RBFOX1: variants seen among roughly 807,000 people sequenced by gnomAD.
RBFOX1 encodes RNA binding fox-1 homolog 1, also known as RNA binding protein fox-1 homolog 1.
Under a neutral mutation model 57.7 loss-of-function variants are expected in RBFOX1, and 8 were observed. That is an observed-to-expected ratio of 0.14 (90% CI 0.08 to 0.25). The LOEUF (loss-of-function observed/expected upper bound fraction) is 0.25. RBFOX1 is among the 10% of genes least tolerant of loss of function. RBFOX1 has a pLI of 1.00. For synonymous variants in RBFOX1, 326 were observed against 222.4 expected (o/e 1.47, Z -4.15); for missense variants, 611 against 548.5 (o/e 1.11, Z -1.14).
intron 1 of RBFOX1, among the ~76,000 whole-genome samples, chr16:5,295,631 A>G (rs2063647719): frequency 6.6e-6 from 1 of 152,156 alleles, no homozygotes; most frequent in African/African-American, 2.4e-5. Context: ...GGGCCTCTCC[A>G]TCTGGCCGCT....
intron 2 of RBFOX1, among the ~76,000 whole-genome samples, chr16:6,559,294 C>G (rs1235446108): frequency 2.0e-5 from 3 of 152,046 alleles, no homozygotes; most frequent in Admixed American, 6.6e-5. Flanking sequence ...TTTATTCATT[C>G]TCTCAGTCTA....
In RBFOX1 at chr16:5,978,096, G is replaced by A. The variant is rs528765297; in HGVS notation, c.351+110761G>A. 1.1e-4 allele frequency among the ~76,000 whole-genome samples: 14 copies of A among 125,022 alleles called. No homozygotes were observed. The East Asian group carries it at 3.4e-3, about 30-fold the overall frequency. 82.0% of individuals were successfully genotyped at this position (125,022 alleles called of 152,430 possible). On this transcript the variant is annotated intron_variant, in intron 4 of 19. Transcript: ENST00000641259. ...TTGCAGGGCAGGAGTTTAAGACCAG[G>A]CTGGGCATCCTAGGGAGAATCCTGT...
At chr16:5,586,968 C>A (rs1355356522) in intron 2 of RBFOX1, among the ~76,000 whole-genome samples, 1 of 152,192 alleles carries the variant, frequency 6.6e-6, no homozygotes, top group Non-Finnish European at 1.5e-5. Context: ...GTCATTGAAC[C>A]TTCCTGTGCT....
intron 3 of RBFOX1, among the ~76,000 whole-genome samples, chr16:7,014,388 T>A (rs551394592): frequency 3.9e-5 from 6 of 152,060 alleles, no homozygotes; most frequent in Admixed American, 3.3e-4. Flanking sequence ...TTTTTTTATT[T>A]TTATTTTTTT....
At chr16:6,397,137 A>T (rs1179348665) in intron 2 of RBFOX1, among the ~76,000 whole-genome samples, 1 of 152,222 alleles carries the variant, frequency 6.6e-6, no homozygotes, top group Admixed American at 6.5e-5. Context: ...CATAAGTAAT[A>T]GTTGAAATTT....
chr16:6,171,600 G>T (rs951080637), intron 1 of RBFOX1, among the ~76,000 whole-genome samples: 3 of 152,062 alleles, frequency 2.0e-5, no homozygotes, highest in African/African-American at 7.2e-5. Context: ...ATGCTTAGAG[G>T]GTTAAAAAGC....
At chr16:6,072,505 T>A (rs1386493842) in intron 1 of RBFOX1, among the ~76,000 whole-genome samples, 4 of 152,206 alleles carry the variant, frequency 2.6e-5, no homozygotes, top group South Asian at 2.1e-4. Flanking sequence ...ATCACATTTT[T>A]AAATTTTTTT....
intron 4 of RBFOX1, among the ~76,000 whole-genome samples, chr16:7,129,655 G>A (rs941776044): frequency 3.3e-5 from 5 of 152,080 alleles, no homozygotes; most frequent in African/African-American, 7.2e-5. Flanking sequence ...GTGGACATTA[G>A]GAAGAGGGGC....
intron 3 of RBFOX1, among the ~76,000 whole-genome samples, chr16:5,677,964 G>C (rs1029932537): frequency 6.6e-6 from 1 of 152,216 alleles, no homozygotes; most frequent in South Asian, 2.1e-4. Flanking sequence ...TTCTATGTCA[G>C]ATGCTCATGG....
intron 4 of RBFOX1, among the ~76,000 whole-genome samples, chr16:7,100,020 G>C (rs898131742): frequency 2.0e-5 from 3 of 151,896 alleles, no homozygotes; most frequent in Non-Finnish European, 2.9e-5. Context: ...TTAAACTTTA[G>C]ATTGCCCTGG....
At chr16:5,751,565 G>C (rs1351137811) in intron 3 of RBFOX1, among the ~76,000 whole-genome samples, 1 of 152,168 alleles carries the variant, frequency 6.6e-6, no homozygotes, top group East Asian at 1.9e-4. Context: ...ATGAACTCTA[G>C]GAATCAGAGA....
At position 5,575,151 on chromosome 16, in the gene RBFOX1, A is replaced by G. The variant is rs147558167; in HGVS notation, c.259-23751A>G. ...TTATGAAGGGGATGGATTTCATTAC[A>G]ACTATGATGCTTCTGTTACCCTAAA... On this transcript the variant is annotated intron_variant, in intron 2 of 2. Transcript: ENST00000585867. Among the ~76,000 whole-genome samples, 350 of 152,316 alleles carry G rather than the reference A, an allele frequency of 2.3e-3. 1 individual carries two copies. The highest frequency in any genetic ancestry group is 7.9e-3 in the African/African-American group (327 of 41,584).
At chr16:6,593,037 C>G (rs938026237) in intron 2 of RBFOX1, among the ~76,000 whole-genome samples, 3 of 152,074 alleles carry the variant, frequency 2.0e-5, no homozygotes, top group African/African-American at 7.2e-5. Flanking sequence ...ACTAAAAATA[C>G]AAAAGTTAGC....
At chr16:5,712,500 G>T (rs1202142102) in intron 3 of RBFOX1, among the ~76,000 whole-genome samples, 1 of 152,228 alleles carries the variant, frequency 6.6e-6, no homozygotes, top group Non-Finnish European at 1.5e-5. Context: ...CTCAAGAGCA[G>T]AGGGAAGAGT....
chr16:6,481,687 A>G (rs926225627), intron 2 of RBFOX1, among the ~76,000 whole-genome samples: 2 of 152,354 alleles, frequency 1.3e-5, no homozygotes, highest in Admixed American at 1.3e-4. Context: ...AGGGGATCAT[A>G]CAAGATAACA....
chr16:5,737,026 C>A (rs1054045228), intron 3 of RBFOX1, among the ~76,000 whole-genome samples: 4 of 151,800 alleles, frequency 2.6e-5, no homozygotes, highest in Admixed American at 6.6e-5. Flanking sequence ...TCAAGCACCT[C>A]CTTCATTTAA....
At chr16:6,934,284 G>C (rs774486143) in intron 3 of RBFOX1, among the ~76,000 whole-genome samples, 1 of 152,118 alleles carries the variant, frequency 6.6e-6, no homozygotes, top group African/African-American at 2.4e-5. Context: ...AAGTTGCTGC[G>C]CTTGGGATTT....
At chr16:5,264,393 C>T (rs1432808277) in intron 1 of RBFOX1, among the ~76,000 whole-genome samples, 2 of 152,106 alleles carry the variant, frequency 1.3e-5, no homozygotes, top group Non-Finnish European at 2.9e-5. Flanking sequence ...TTTTCATCAC[C>T]TGATGAGAGC....
chr16:6,901,057 G>A (rs1432747149), intron 3 of RBFOX1, among the ~76,000 whole-genome samples: 1 of 152,160 alleles, frequency 6.6e-6, no homozygotes, highest in Non-Finnish European at 1.5e-5. Flanking sequence ...TGTGTTCACA[G>A]CTTGGCCACT....
Sources: gnomAD v4.1 joint callset for allele counts (sites outside exome capture counted in the v4.1 genomes callset) on GRCh38, gnomAD v4.1.1 for gene constraint, MANE v1.5 for transcripts, NCBI Gene and HGNC (gene_info 2026-07-23, HGNC 2026-07-21) for gene names.